Variants in PIWIL4 observed in about 807,000 individuals in gnomAD.
The protein encoded by PIWIL4 is piwi-like protein 4.
A neutral mutation model predicts 100.9 loss-of-function variants in PIWIL4; 50 were observed. The ratio of observed to expected loss-of-function variants is 0.50; its 90% CI spans 0.39 to 0.63. The LOEUF is 0.63. PIWIL4 is among the 20% of genes least tolerant of loss of function. PIWIL4 has a pLI of 0.00. For missense variants in PIWIL4, 887 were observed against 1,043.3 expected, an observed-to-expected ratio of 0.85 and a Z score of 2.06; for synonymous variants, 342 against 367.5, an observed-to-expected ratio of 0.93 and a Z score of 0.79.
rs535940364 is a variant in PIWIL4, at chr11:94,609,625, A to AT, written c.1943+946dup. 1.8e-3 allele frequency among the ~76,000 whole-genome samples: 276 copies of AT among 152,016 alleles called. 4 individuals are homozygous for AT. The highest frequency in any genetic ancestry group is 0.017 in the Middle Eastern group (5 of 294). On this transcript the variant is annotated intron_variant, in intron 15 of 19. Coordinates refer to ENST00000299001, the MANE Select transcript of PIWIL4 (RefSeq NM_152431.3). ...TTAATCAAGTTGATAAAGGACTTTCATTTTTTTCTTTGTATATCTAAAATT... is the reference window on the plus strand; with the variant it reads ...TTAATCAAGTTGATAAAGGACTTTCATTTTTTTTCTTTGTATATCTAAAATT...
Position 94,577,616 on chromosome 11 carries a change from A to T in PIWIL4, c.513+124A>T, listed in dbSNP as rs1021331253. On this transcript the variant is annotated intron_variant, in intron 4 of 19. Coordinates refer to ENST00000299001, the MANE Select transcript of PIWIL4 (RefSeq NM_152431.3). ...AGGTTTGTGGAAAAATAGAATTAAA[A>T]GGTAAGAATTTAAAAAACTACCTTT... 6.7e-5 allele frequency: 56 copies of T among 841,362 alleles called. No individual in the cohort carries two copies. In the African/African-American group the frequency reaches 8.4e-4, roughly 13 times the overall value. 52.1% of individuals were successfully genotyped at this position (841,362 alleles called of 1,614,324 possible).
At chr11:94,571,406 G>C (rs953047990) in intron 2 of PIWIL4, among the ~76,000 whole-genome samples, 8 of 152,060 alleles carry the variant, frequency 5.3e-5, no homozygotes, top group African/African-American at 1.9e-4. Flanking sequence ...ATTTACATTA[G>C]GTATATCTCC....
At chr11:94,575,151 T>C (rs1272331739) in intron 3 of PIWIL4, 21 bp downstream of exon 3, 40 of 1,609,212 alleles carry the variant, frequency 2.5e-5, no homozygotes, top group Non-Finnish European at 3.2e-5. Context: ...TTATGTCACT[T>C]ACTTTTTTAA....
intron 15 of PIWIL4, among the ~76,000 whole-genome samples, chr11:94,611,789 TTA>T (rs1321337690): frequency 1.3e-5 from 2 of 152,206 alleles, no homozygotes; most frequent in African/African-American, 4.8e-5. Context: ...TTCATGATGA[TTA>T]TAAGCTTCCT....
At chr11:94,568,598 A>G (rs1397532498) in intron 1 of PIWIL4, 132 bp from the exon 2 acceptor site, 11 of 649,652 alleles carry the variant, frequency 1.7e-5, no homozygotes, top group Non-Finnish European at 2.7e-5. Context: ...TCATCTCTCA[A>G]GGGTTTTACC....
chr11:94,591,293 A>C (rs1431621177), intron 8 of PIWIL4, among the ~76,000 whole-genome samples: 1 of 152,204 alleles, frequency 6.6e-6, no homozygotes, highest in Non-Finnish European at 1.5e-5. Context: ...CATCTGCAGA[A>C]AGCCACGCTG....
chr11:94,601,346 G>A (rs1948637537), intron 11 of PIWIL4, among the ~76,000 whole-genome samples: 1 of 145,200 alleles, frequency 6.9e-6, no homozygotes, highest in Non-Finnish European at 1.6e-5. Context: ...TAACTGTTCT[G>A]TAGGGTGTGT....
chr11:94,604,092 A>AAG lies in PIWIL4; in HGVS notation c.1638+36_1638+37insAG, dbSNP rs773928167. On this transcript the variant is annotated intron_variant, in intron 13 of 19. Transcript: ENST00000299001. The stretch of plus-strand genomic sequence containing the variant: ...GATACTTTTTGAACTCCTTTAATCT[A>AAG]TAATTTTAGTTCTGCTTTATATCTA... The AAG allele has an allele frequency of 4.3e-6, 6 of 1,383,008 alleles. No homozygotes were observed. The African/African-American group carries it at 8.9e-5, about 20-fold the overall frequency. The allele number at this position is 1,383,008 out of a possible 1,614,324, so 85.7% of individuals were successfully genotyped here.
At chr11:94,608,050 T>C (rs550341953) in intron 14 of PIWIL4, 186 of 187,758 alleles carry the variant, frequency 9.9e-4, no homozygotes, top group African/African-American at 4.3e-3. Flanking sequence ...TCCTCTTCTC[T>C]TCCCTGAACT....
intron 2 of PIWIL4, among the ~76,000 whole-genome samples, chr11:94,569,278 C>G (rs189098881): frequency 4.0e-5 from 6 of 151,832 alleles, no homozygotes; most frequent in Middle Eastern, 3.4e-3. Context: ...AATGTGGTAA[C>G]ATATATAAGA....
intron 13 of PIWIL4, among the ~76,000 whole-genome samples, chr11:94,606,602 G>A (rs1464562143): frequency 6.6e-6 from 1 of 152,116 alleles, no homozygotes; most frequent in Non-Finnish European, 1.5e-5. Context: ...GGCCAGGCCG[G>A]GGTGAGTGGA....
intron 12 of PIWIL4, among the ~76,000 whole-genome samples, chr11:94,603,257 T>C (rs1423821661): frequency 6.6e-6 from 1 of 152,188 alleles, no homozygotes; most frequent in African/African-American, 2.4e-5. Flanking sequence ...ATGGGGTTGA[T>C]GGTCCTGTCA....
At chr11:94,598,623 G>T (rs1054027643) in intron 11 of PIWIL4, among the ~76,000 whole-genome samples, 1 of 151,908 alleles carries the variant, frequency 6.6e-6, no homozygotes, top group Non-Finnish European at 1.5e-5. Context: ...GCCTTTATTG[G>T]GTGTAATAAA....
chr11:94,592,892 C>T (rs1028904047), intron 8 of PIWIL4, among the ~76,000 whole-genome samples: 14 of 152,120 alleles, frequency 9.2e-5, no homozygotes, highest in African/African-American at 3.4e-4. Flanking sequence ...CACAGGATAC[C>T]TGTGAGCTAC....
rs1948646229 is a variant in PIWIL4 at position 94,601,852 on chromosome 11, A to T, written c.1438A>T (p.Asn480Tyr). 1.9e-6 allele frequency: 3 copies of T among 1,614,086 alleles called. No individual in the cohort carries two copies. The highest frequency in any genetic ancestry group is 2.5e-6 in the Non-Finnish European group (3 of 1,179,976). Reference protein sequence around the residue: ...SKDIRTCKILNAQSLNTWLIL... With the variant: ...SKDIRTCKILYAQSLNTWLIL... ...GGATATTCGAACTTGCAAGATTTTAAATGCACAGTCTTTGAATACCTGGTT... is the reference window on the plus strand; with the variant it reads ...GGATATTCGAACTTGCAAGATTTTATATGCACAGTCTTTGAATACCTGGTT... Residue 480 changes from asparagine to tyrosine, a missense_variant, in exon 12 of 20, where the codon AAT becomes TAT. By Grantham distance (143) the Asn-to-Tyr change is moderately radical (BLOSUM62 -2). Around this residue, in one of 2 missense-constraint regions of PIWIL4, gnomAD observed 741 missense variants for 930.0 expected, o/e 0.80. Coordinates refer to ENST00000299001, the MANE Select transcript of PIWIL4 (RefSeq NM_152431.3).
At chr11:94,605,114 C>T (rs1423548826) in intron 13 of PIWIL4, among the ~76,000 whole-genome samples, 4 of 152,214 alleles carry the variant, frequency 2.6e-5, no homozygotes, top group Non-Finnish European at 5.9e-5. Context: ...TTGACTATTT[C>T]AGTGCATATT....
chr11:94,583,039 T>TAG (rs1206858909), intron 4 of PIWIL4, among the ~76,000 whole-genome samples: 1 of 113,392 alleles, frequency 8.8e-6, no homozygotes, highest in Non-Finnish European at 1.8e-5. Flanking sequence ...TGTGTATATA[T>TAG]ATATATGTGT....
Position 94,597,818 on chromosome 11 carries a change from G to T in PIWIL4, c.1283G>T (p.Arg428Leu), listed in dbSNP as rs199854126. ...VDNIQRNTNA[R>L]FELETWGLHF... ...TTTATCAACAGGAATACCAATGCTC[G>T]CTTTGAACTAGAGACCTGGGGACTG... The change falls in exon 11 of 20, where the codon CGC becomes CTC. Residue 428 changes from arginine to leucine, a missense_variant. Physicochemically the swap from Arg to Leu is moderately radical, Grantham distance 102. This residue lies in a region of PIWIL4 where 741 missense variants were observed against 930.0 expected (regional missense o/e 0.80). Coordinates refer to ENST00000299001, the MANE Select transcript of PIWIL4 (RefSeq NM_152431.3). 7 of 1,612,526 alleles carry T rather than the reference G, an allele frequency of 4.3e-6. No individual in the cohort carries two copies. Among genetic ancestry groups the T allele is most frequent in the African/African-American group, 2.7e-5 (2 of 74,868 alleles).
chr11:94,610,892 G>T (rs1948781370), intron 15 of PIWIL4, among the ~76,000 whole-genome samples: 1 of 152,078 alleles, frequency 6.6e-6, no homozygotes, highest in South Asian at 2.1e-4. Context: ...TTTTCTTCTA[G>T]AAGTTTTGCA....
Sources: gnomAD v4.1 joint callset for allele counts (sites outside exome capture counted in the v4.1 genomes callset) on GRCh38, gnomAD v4.1.1 for gene constraint, gnomAD v4.1.1 regional missense constraint, MANE v1.5 for transcripts, NCBI Gene and HGNC (gene_info 2026-07-23, HGNC 2026-07-21) for gene names.